The following ZNF317 variants were observed in gnomAD, a reference collection of about 807,000 sequenced individuals.
ZNF317 encodes the protein KRAB-containing zinc finger protein 317.
Under a neutral mutation model 23.4 loss-of-function variants are expected in ZNF317, and 17 were observed. The observed-to-expected ratio is 0.73, with a 90% confidence interval of 0.50 to 1.09. The LOEUF (loss-of-function observed/expected upper bound fraction) is 1.09, where lower values mean the gene tolerates loss of function less well. Ranked by LOEUF, ZNF317 falls within the 50% of genes least tolerant of loss-of-function variation. The pLI is 0.00. For missense variants in ZNF317, 679 were observed against 796.7 expected (o/e 0.85, Z 1.78); for synonymous variants, 317 against 314.9 (o/e 1.01, Z -0.07).
intron 5 of ZNF317, among the ~76,000 whole-genome samples, chr19:9,158,292 T>C (rs2145958200): frequency 6.6e-6 from 1 of 152,090 alleles, no homozygotes; most frequent in South Asian, 2.1e-4. Flanking sequence ...CATTCTTTCA[T>C]ATTTGATGTT....
intron 1 of ZNF317, among the ~76,000 whole-genome samples, chr19:9,151,338 C>G (rs1260309016): frequency 6.6e-6 from 1 of 152,212 alleles, no homozygotes; most frequent in South Asian, 2.1e-4. Flanking sequence ...TTAAAACACA[C>G]TTCCTATATT....
chr19:9,156,144 G>C, intron 2 of ZNF317, 103 bp downstream of exon 2: 2 of 1,455,594 alleles, frequency 1.4e-6, no homozygotes, highest in South Asian at 2.3e-5. Context: ...TGCTGGGAGA[G>C]GATGGGCAAG....
intron 1 of ZNF317, among the ~76,000 whole-genome samples, chr19:9,144,065 C>T (rs1225030388): frequency 3.3e-5 from 5 of 151,282 alleles, no homozygotes; most frequent in African/African-American, 9.7e-5. Context: ...TGCAATGGCG[C>T]GATCTTGGCT....
At position 9,158,363 on chromosome 19, in the gene ZNF317, C is replaced by CTTTTTTTTTTTTTTTTTTTTTTTTTTTT. The variant is rs200591339; in HGVS notation, c.385+289_385+316dup. Reference sequence around the variant, plus strand: ...CTGAATTGCCTTAAATTTCTTTTTTCTTTTTTTTTTTTTTTTTTTTTTTTT... The same window carrying CTTTTTTTTTTTTTTTTTTTTTTTTTTTT: ...CTGAATTGCCTTAAATTTCTTTTTTCTTTTTTTTTTTTTTTTTTTTTTTTTTTTTTTTTTTTTTTTTTTTTTTTTTTTT... On this transcript the variant is annotated intron_variant, in intron 5 of 6. Coordinates refer to ENST00000247956, the MANE Select transcript of ZNF317 (RefSeq NM_020933.5). Among the ~76,000 whole-genome samples, 34 of 76,534 alleles carry CTTTTTTTTTTTTTTTTTTTTTTTTTTTT rather than the reference C, an allele frequency of 4.4e-4. 7 individuals carry two copies. The highest frequency in any genetic ancestry group is 1.2e-3 in the African/African-American group (19 of 15,674). 50.2% of individuals were successfully genotyped at this position (76,534 alleles called of 152,430 possible).
chr19:9,141,601 C>T (rs2050630405), intron 1 of ZNF317, among the ~76,000 whole-genome samples: 1 of 152,146 alleles, frequency 6.6e-6, no homozygotes. Context: ...TACACCTAGC[C>T]ATTCTTTTTC....
chr19:9,155,098 T>C (rs2050770811), intron 1 of ZNF317, among the ~76,000 whole-genome samples: 1 of 152,212 alleles, frequency 6.6e-6, no homozygotes, highest in South Asian at 2.1e-4. Context: ...CACTCCTATC[T>C]AGGAGTTCTT....
rs188613545 is a variant in ZNF317 at position 9,148,440 on chromosome 19, C to T, written c.-92-7485C>T. On this transcript the variant is annotated intron_variant, in intron 1 of 6. Coordinates refer to ENST00000247956, the MANE Select transcript of ZNF317 (RefSeq NM_020933.5). ...TGGAGGGTGGTGGTGGATGTTGGCC[C>T]CAGGGTGTTGGGCTAAGCCATAGGG... Among the ~76,000 whole-genome samples the T allele has an allele frequency of 4.9e-4, 75 of 152,236 alleles. 1 individual carries two copies. The East Asian group carries it at 0.013, about 26-fold the overall frequency.
chr19:9,157,220 A>G (rs376854350), intron 3 of ZNF317, 48 bp from the exon 4 acceptor site: 107 of 1,599,364 alleles, frequency 6.7e-5, no homozygotes, highest in Non-Finnish European at 8.4e-5. Flanking sequence ...TACCATGAAC[A>G]TCGTTAGGCT....
At position 9,160,669 on chromosome 19, in the gene ZNF317, G is replaced by C; in HGVS notation, c.1024G>C (p.Ala342Pro). The change falls in exon 7 of 7, where the codon GCT becomes CCT. Residue 342 changes from alanine (A) to proline (P), a missense_variant. Transcript: ENST00000247956. This position sits in a 1 kb window ranked among gnomAD's most constrained non-coding sequence, Gnocchi z 6.8. ...CTACGAGTGTCACGACTGTGGGAAA[G>C]CTTTCCAGCACCCCTCCCACCTCAA... ...RPYECHDCGK[A>P]FQHPSHLKEH... The C allele has an allele frequency of 6.2e-7, 1 of 1,614,168 alleles. No individual in the cohort carries two copies. The highest frequency in any genetic ancestry group is 8.5e-7 in the Non-Finnish European group (1 of 1,180,042).
rs907327743 is a variant in ZNF317, at chr19:9,158,145, T to G, written c.385+70T>G. On this transcript the variant is annotated intron_variant, in intron 5 of 6. Transcript: ENST00000247956. ...ATTCAGTGACTGGGGTGGAGGGAGG[T>G]AGGTTAGGGAGTGTCACCCAGGGAA... 5 of 1,481,356 alleles carry G rather than the reference T, an allele frequency of 3.4e-6. No homozygotes were observed. The South Asian group carries it at 6.7e-5, about 20-fold the overall frequency. The allele number at this position is 1,481,356 out of a possible 1,614,324, so 91.8% of individuals were successfully genotyped here. A position where few individuals can be genotyped will look rare whatever the true frequency, so the allele number is the denominator to read the frequency against.
intron 1 of ZNF317, among the ~76,000 whole-genome samples, chr19:9,146,852 G>A (rs2050687844): frequency 6.6e-6 from 1 of 152,070 alleles, no homozygotes; most frequent in Non-Finnish European, 1.5e-5. Flanking sequence ...GAATATCCTG[G>A]GATACTGTGA....
At chr19:9,150,803 G>C (rs2050729745) in intron 1 of ZNF317, among the ~76,000 whole-genome samples, 1 of 152,116 alleles carries the variant, frequency 6.6e-6, no homozygotes, top group South Asian at 2.1e-4. Context: ...CCCACATAGG[G>C]GACAGTACAG....
chr19:9,157,198 C>T, intron 3 of ZNF317, 70 bp from the exon 4 acceptor site: 1 of 1,580,998 alleles, frequency 6.3e-7, no homozygotes, highest in African/African-American at 1.3e-5. Context: ...CGGTCTTCAA[C>T]CTCAGCCATC....
In ZNF317 at chr19:9,147,330, G is replaced by GTTTT. The variant is rs35259257; in HGVS notation, c.-93+6762_-93+6765dup. On this transcript the variant is annotated intron_variant, in intron 1 of 6. Coordinates refer to ENST00000247956, the MANE Select transcript of ZNF317 (RefSeq NM_020933.5). ...TGGTGACAGCATTCCAATGACACTGGTTTTTTTTTTTTTTTTTTTTTTTTT... is the reference window on the plus strand; with the variant it reads ...TGGTGACAGCATTCCAATGACACTGGTTTTTTTTTTTTTTTTTTTTTTTTTTTTT... Among the ~76,000 whole-genome samples, 279 of 110,146 alleles carry GTTTT rather than the reference G, an allele frequency of 2.5e-3. 20 individuals are homozygous for GTTTT. Among genetic ancestry groups the GTTTT allele is most frequent in the African/African-American group, 0.01 (267 of 25,592 alleles). The allele number at this position is 110,146 out of a possible 152,430, so 72.3% of individuals were successfully genotyped here.
intron 1 of ZNF317, among the ~76,000 whole-genome samples, chr19:9,155,533 G>A (rs1314454791): frequency 6.6e-6 from 1 of 152,154 alleles, no homozygotes; most frequent in Non-Finnish European, 1.5e-5. Flanking sequence ...GGGTGCAAAG[G>A]GCATTGGAGT....
chr19:9,150,231 C>T (rs573657312), intron 1 of ZNF317, among the ~76,000 whole-genome samples: 3 of 152,230 alleles, frequency 2.0e-5, no homozygotes, highest in Non-Finnish European at 4.4e-5. Context: ...GAGTGGCACC[C>T]ACTATAAATG....
rs1270729215 is a variant in ZNF317 at position 9,157,245 on chromosome 19, C to CCCAA, written c.163-22_163-19dup. The CCCAA allele has an allele frequency of 1.9e-6, 3 of 1,612,340 alleles. No individual in the cohort carries two copies. The African/African-American group carries it at 4.0e-5, about 22-fold the overall frequency. ...ATCGTTAGGCTGGTTCCTCGCTGACCCCAAGTTTGTGTGGCGTTCCAGGAA... is the reference window on the plus strand; with the variant it reads ...ATCGTTAGGCTGGTTCCTCGCTGACCCCAACCAAGTTTGTGTGGCGTTCCAGGAA... On this transcript the variant is annotated intron_variant, in intron 3 of 6. Transcript: ENST00000247956.
At chr19:9,157,825 G>A in intron 4 of ZNF317, 155 bp from the exon 5 acceptor site, 2 of 1,390,094 alleles carry the variant, frequency 1.4e-6, no homozygotes, top group Non-Finnish European at 1.9e-6. Flanking sequence ...CTTTTACTGT[G>A]TTCCTTAGAA....
At chr19:9,157,072 G>A (rs572638947) in intron 3 of ZNF317, 196 bp from the exon 4 acceptor site, 21 of 683,968 alleles carry the variant, frequency 3.1e-5, no homozygotes, top group East Asian at 2.5e-4. Flanking sequence ...CTGAAGTGAC[G>A]GCACAGGACA....
Sources: allele counts gnomAD v4.1 joint callset (sites outside exome capture counted in the v4.1 genomes callset), GRCh38; gene constraint gnomAD v4.1.1; non-coding constraint Gnocchi (gnomAD v3.1); transcripts MANE v1.5; gene names NCBI Gene and HGNC (gene_info 2026-07-23, HGNC 2026-07-21).